The following KLF7 variants were observed in gnomAD, a reference collection of about 807,000 sequenced individuals.
The protein encoded by KLF7 is KLF transcription factor 7.
In KLF7, 2 loss-of-function variants were observed where a neutral mutation model predicts 27.3. The observed-to-expected ratio is 0.07, with a 90% confidence interval of 0.03 to 0.23. The LOEUF is 0.23. KLF7 is among the 10% of genes least tolerant of loss of function. KLF7 has a pLI of 1.00. For missense variants in KLF7, 221 were observed against 394.1 expected, an observed-to-expected ratio of 0.56 and a Z score of 3.72; for synonymous variants, 165 against 162.4, an observed-to-expected ratio of 1.02 and a Z score of -0.12.
At position 207,123,927 on chromosome 2, in the gene KLF7, C is replaced by T. The variant is rs199543928; in HGVS notation, c.580G>A (p.Val194Ile). ...TCACTGTCGCTCTGTCCACTCTTAA[C>T]GGCCCCCGCAGCCGTCACGGCTGCT... ...AAAAVTAAGA[V>I]KSGQSDSDQG... The change falls in exon 2 of 4, where the codon GTT becomes ATT. Residue 194 changes from valine (V) to isoleucine (I), a missense_variant. Physicochemically the swap from Val to Ile is conservative, Grantham distance 29. Around this residue, in one of 3 missense-constraint regions of KLF7, gnomAD observed 180 missense variants for 227.9 expected, o/e 0.79. Transcript: ENST00000309446. 2.7e-5 allele frequency: 44 copies of T among 1,613,956 alleles called. No homozygotes were observed. Among genetic ancestry groups the T allele is most frequent in the Middle Eastern group, 3.4e-4 (2 of 5,956 alleles).
At chr2:207,144,647 T>A (rs1392103129) in intron 1 of KLF7, among the ~76,000 whole-genome samples, 1 of 152,174 alleles carries the variant, frequency 6.6e-6, no homozygotes, top group Non-Finnish European at 1.5e-5. Context: ...GTGCTGGTCT[T>A]TCGGTCATCC....
chr2:207,165,034 G>T (rs1333996750), intron 1 of KLF7, among the ~76,000 whole-genome samples: 1 of 115,970 alleles, frequency 8.6e-6, no homozygotes. Flanking sequence ...ATAAGCACCA[G>T]TTGAAACAGA....
At chr2:207,165,378 CAAAA>C (rs1284286703) in intron 1 of KLF7, 85 bp downstream of exon 1, 4 of 1,563,036 alleles carry the variant, frequency 2.6e-6, no homozygotes, top group Non-Finnish European at 3.5e-6. Context: ...AACAAACAAA[CAAAA>C]ATTTCAACCC....
intron 1 of KLF7, among the ~76,000 whole-genome samples, chr2:207,127,064 C>A (rs2077498561): frequency 6.6e-6 from 1 of 152,122 alleles, no homozygotes; most frequent in African/African-American, 2.4e-5. Context: ...AATACATTTA[C>A]ACACTCTTCT....
chr2:207,113,343 G>T lies in KLF7; in HGVS notation c.733+10431C>A, dbSNP rs188741422. Among the ~76,000 whole-genome samples the T allele has an allele frequency of 1.2e-4, 19 of 152,190 alleles. No homozygotes were observed. In the East Asian group the frequency reaches 3.5e-3, roughly 28 times the overall value. Reference sequence around the variant, plus strand: ...TTTATAAAGTATGCCGAGAAAGAAAGATTTGAAGACTTTAATGTGTTTCCA... The same window carrying T: ...TTTATAAAGTATGCCGAGAAAGAAATATTTGAAGACTTTAATGTGTTTCCA... On this transcript the variant is annotated intron_variant, in intron 2 of 3. Transcript: ENST00000309446.
intron 3 of KLF7, among the ~76,000 whole-genome samples, chr2:207,083,233 T>C (rs1269111935): frequency 6.6e-6 from 1 of 152,196 alleles, no homozygotes; most frequent in Admixed American, 6.5e-5. Context: ...AGCGTCTAAC[T>C]GGCATAATTC....
chr2:207,164,691 G>C (rs1228364326), intron 1 of KLF7, among the ~76,000 whole-genome samples: 2 of 152,160 alleles, frequency 1.3e-5, no homozygotes, highest in East Asian at 3.9e-4. Context: ...AGTCCTCTAA[G>C]ACAAAGTCAA....
intron 2 of KLF7, among the ~76,000 whole-genome samples, chr2:207,115,272 T>C (rs1163974931): frequency 1.3e-5 from 2 of 152,140 alleles, no homozygotes; most frequent in African/African-American, 4.8e-5. Flanking sequence ...CATTCTGATC[T>C]TTCCTCCCCT....
chr2:207,132,902 C>G (rs1268804220), intron 1 of KLF7, among the ~76,000 whole-genome samples: 4 of 152,240 alleles, frequency 2.6e-5, no homozygotes, highest in Admixed American at 6.5e-5. Flanking sequence ...GGCCCATGCA[C>G]AGAGAGGCTT....
chr2:207,080,108 G>A lies in KLF7; in HGVS notation c.*1105C>T, dbSNP rs918335342. 1 of 152,186 alleles carries A rather than the reference G, an allele frequency of 6.6e-6. No individual in the cohort carries two copies. Among genetic ancestry groups the A allele is most frequent in the Non-Finnish European group, 1.5e-5 (1 of 68,050 alleles). 9.4% of individuals were successfully genotyped at this position (152,186 alleles called of 1,614,324 possible). ...GGTAGCAATGACACACAGCACAACG[G>A]TTGATCACTATGAGCTGAGGTCATC... On this transcript the variant is annotated 3_prime_UTR_variant, in exon 4 of 4. Transcript: ENST00000309446.
intron 1 of KLF7, 97 bp downstream of exon 1, chr2:207,165,370 C>T (rs2078677570): frequency 2.6e-6 from 4 of 1,545,012 alleles, no homozygotes; most frequent in Non-Finnish European, 2.6e-6. Flanking sequence ...AAAAGTCAAA[C>T]AAACAAACAA....
At position 207,109,163 on chromosome 2, in the gene KLF7, C is replaced by T. The variant is rs140161037; in HGVS notation, c.733+14611G>A. 6.0e-3 allele frequency among the ~76,000 whole-genome samples: 909 copies of T among 152,332 alleles called. 7 individuals carry two copies. Among genetic ancestry groups the T allele is most frequent in the Non-Finnish European group, 9.7e-3 (659 of 68,016 alleles). ...ATCAATACCTTGCGTTTGTTTGCAT[C>T]TTCAAAACCAGCTTTCTTTCTTAAA... is the stretch of plus-strand genomic sequence containing the variant. On this transcript the variant is annotated intron_variant, in intron 2 of 3. Transcript: ENST00000309446.
the KLF7 span, among the ~76,000 whole-genome samples, chr2:207,173,450 T>G: frequency 3.9e-5 from 6 of 152,188 alleles, no homozygotes; most frequent in Admixed American, 3.9e-4. Flanking sequence ...TCTGACTTCC[T>G]AGGTTTGTTT....
intron 1 of KLF7, among the ~76,000 whole-genome samples, chr2:207,126,823 A>AG (rs2077489888): frequency 6.6e-6 from 1 of 151,928 alleles, no homozygotes; most frequent in Non-Finnish European, 1.5e-5. Flanking sequence ...AAAAAAAAAA[A>AG]AAATCAGCTG....
intron 1 of KLF7, among the ~76,000 whole-genome samples, chr2:207,135,397 A>T (rs898894076): frequency 5.3e-5 from 8 of 152,194 alleles, no homozygotes; most frequent in Non-Finnish European, 1.2e-4. Context: ...GCCTTTATTA[A>T]AAGCCCTAAG....
At chr2:207,159,357 A>T (rs1197291324) in intron 1 of KLF7, among the ~76,000 whole-genome samples, 10 of 152,170 alleles carry the variant, frequency 6.6e-5, no homozygotes, top group Admixed American at 6.5e-4. Flanking sequence ...ATGTTTTATA[A>T]ACAAGGTTGG....
rs368678068 is a variant in KLF7, at chr2:207,124,284, G to A, written c.223C>T (p.Arg75Cys). Residue 75 changes from arginine to cysteine, a missense_variant, in exon 2 of 4, where the codon CGT becomes TGT. This residue lies in a region of KLF7 where 180 missense variants were observed against 227.9 expected (regional missense o/e 0.79). Coordinates refer to ENST00000309446, the MANE Select transcript of KLF7 (RefSeq NM_003709.4). ...GGGAGCAGCAGGGGGTCTAAGCGACGGAAGCTTTCCTCAATGCACGGGGGA... is the reference window on the plus strand; with the variant it reads ...GGGAGCAGCAGGGGGTCTAAGCGACAGAAGCTTTCCTCAATGCACGGGGGA... ...SPPPCIEESF[R>C]RLDPLLLPVE... 71 of 1,614,070 alleles carry A rather than the reference G, an allele frequency of 4.4e-5. No homozygotes were observed. The highest frequency in any genetic ancestry group is 2.3e-4 in the South Asian group (21 of 91,076).
chr2:207,147,416 CCTT>C lies in KLF7; in HGVS notation c.102+18048_102+18050del, dbSNP rs575697813. On this transcript the variant is annotated intron_variant, in intron 1 of 3. Coordinates refer to ENST00000309446, the MANE Select transcript of KLF7 (RefSeq NM_003709.4). ...TTCTTTGCCCCCAGCACTCTCCCCT[CCTT>C]CTCCCTCAATTTGTCAAGTGCTTAT... Among the ~76,000 whole-genome samples, 150 of 152,304 alleles carry C rather than the reference CCTT, an allele frequency of 9.8e-4. 1 individual carries two copies. Among genetic ancestry groups the C allele is most frequent in the Admixed American group, 1.5e-3 (23 of 15,304 alleles).
chr2:207,098,474 G>T (rs911122422), intron 2 of KLF7, among the ~76,000 whole-genome samples: 7 of 152,026 alleles, frequency 4.6e-5, no homozygotes, highest in Admixed American at 1.3e-4. Flanking sequence ...AATTCAATTT[G>T]ATGTATTAAA....
Sources: gnomAD v4.1 joint callset for allele counts (sites outside exome capture counted in the v4.1 genomes callset) on GRCh38, gnomAD v4.1.1 for gene constraint, gnomAD v4.1.1 regional missense constraint, MANE v1.5 for transcripts, NCBI Gene and HGNC (gene_info 2026-07-23, HGNC 2026-07-21) for gene names.